The following CYLC2 variants were observed in gnomAD, a reference collection of about 807,000 sequenced individuals.
CYLC2 encodes cylicin 2, also known as cylicin-2.
CYLC2 carries 30 observed loss-of-function variants against 26.1 expected under a neutral mutation model. That is an observed-to-expected ratio of 1.15 (90% CI 0.86 to 1.56). CYLC2 has a LOEUF of 1.56. Among genes scored for constraint, CYLC2 ranks in the 40% most tolerant of loss-of-function variants. The probability of loss-of-function intolerance (pLI) is 0.00; values close to 1 mark genes in which losing one functional copy is unlikely to be tolerated. For synonymous variants in CYLC2, 158 were observed against 132.8 expected (o/e 1.19, Z -1.31); for missense variants, 498 against 394.4 (o/e 1.26, Z -2.23).
At chr9:103,013,367 T>C (rs1210589026) in intron 6 of CYLC2, among the ~76,000 whole-genome samples, 1 of 108,592 alleles carries the variant, frequency 9.2e-6, no homozygotes, top group African/African-American at 3.8e-5. Context: ...TATAAATATA[T>C]ATTTAATATA....
intron 3 of CYLC2, among the ~76,000 whole-genome samples, chr9:103,004,446 A>G (rs1829318170): frequency 1.3e-5 from 2 of 152,118 alleles, no homozygotes; most frequent in South Asian, 4.1e-4. Flanking sequence ...ATTTGAACCT[A>G]AAATCCCGAG....
rs1041601529 is a variant in CYLC2, at chr9:103,018,318, G to A, written c.*891-7G>A. The A allele has an allele frequency of 2.0e-5, 3 of 151,992 alleles. No homozygotes were observed. The highest frequency in any genetic ancestry group is 6.6e-5 in the Admixed American group (1 of 15,224). 9.4% of individuals were successfully genotyped at this position (151,992 alleles called of 1,614,324 possible). A position where few individuals can be genotyped will look rare whatever the true frequency, so the allele number is the denominator to read the frequency against. ...TCTCATTTGACTCTGATTTGATTGT[G>A]TTCCAGGACTACCGTGAGGATGGAT... On this transcript the variant is annotated splice_region_variant and splice_polypyrimidine_tract_variant and intron_variant, in intron 7 of 7. Coordinates refer to ENST00000374798, the MANE Select transcript of CYLC2 (RefSeq NM_001340.5).
At position 103,002,355 on chromosome 9, in the gene CYLC2, C is replaced by T. The variant is rs553202107; in HGVS notation, c.58+737C>T. ...CATTCTTGGGTGTATAGCATTTGCCCCCTTTTTTTTTTTTTTTTTTTTTTT... is the reference window on the plus strand; with the variant it reads ...CATTCTTGGGTGTATAGCATTTGCCTCCTTTTTTTTTTTTTTTTTTTTTTT... On this transcript the variant is annotated intron_variant, in intron 2 of 7. Coordinates refer to ENST00000374798, the MANE Select transcript of CYLC2 (RefSeq NM_001340.5). 1.3e-4 allele frequency among the ~76,000 whole-genome samples: 16 copies of T among 127,488 alleles called. No homozygotes were observed. In the Admixed American group the frequency reaches 1.5e-3, roughly 12 times the overall value. 83.6% of individuals were successfully genotyped at this position (127,488 alleles called of 152,430 possible). A position where few individuals can be genotyped will look rare whatever the true frequency, so the allele number is the denominator to read the frequency against.
At chr9:103,013,595 A>G (rs1306787736) in intron 6 of CYLC2, among the ~76,000 whole-genome samples, 1 of 112,386 alleles carries the variant, frequency 8.9e-6, no homozygotes, top group Non-Finnish European at 1.6e-5. Context: ...ATATATAAAT[A>G]TATTTATAAA....
rs912345821 is a variant in CYLC2, at chr9:103,005,500, A to C, written c.869A>C (p.Lys290Thr). 1.2e-6 allele frequency: 2 copies of C among 1,613,468 alleles called. No homozygotes were observed. The highest frequency in any genetic ancestry group is 8.5e-7 in the Non-Finnish European group (1 of 1,179,756). Reference sequence around the variant, plus strand: ...AGTGACTCAAAGGATGATGTCAAGAAAGAGTCTAAGAAGGACGCCACGAAA... The same window carrying C: ...AGTGACTCAAAGGATGATGTCAAGACAGAGTCTAAGAAGGACGCCACGAAA... Reference protein sequence around the residue: ...TDSDSKDDVKKESKKDATKDA... With the variant: ...TDSDSKDDVKTESKKDATKDA... The change falls in exon 5 of 8, where the codon AAA becomes ACA. Residue 290 changes from lysine to threonine, a missense_variant. Coordinates refer to ENST00000374798, the MANE Select transcript of CYLC2 (RefSeq NM_001340.5).
chr9:103,013,578 A>C (rs939791348), intron 6 of CYLC2, among the ~76,000 whole-genome samples: 2 of 112,544 alleles, frequency 1.8e-5, no homozygotes, highest in African/African-American at 7.3e-5. Context: ...TTACATATGT[A>C]TTTACAATAT....
At position 103,010,443 on chromosome 9, in the gene CYLC2, A is replaced by G. The variant is rs377137155; in HGVS notation, c.*701-1539A>G. On this transcript the variant is annotated intron_variant, in intron 5 of 7. Transcript: ENST00000374798. Reference sequence around the variant, plus strand: ...ATCACTTAATCCTCACAATCCTAATATATCTCCATTTAATTGAAGCACAGA... The same window carrying G: ...ATCACTTAATCCTCACAATCCTAATGTATCTCCATTTAATTGAAGCACAGA... Among the ~76,000 whole-genome samples the G allele has an allele frequency of 2.0e-5, 3 of 152,222 alleles. No individual in the cohort carries two copies. The South Asian group carries it at 6.2e-4, about 32-fold the overall frequency.
Position 103,005,392 on chromosome 9 carries a change from G to C in CYLC2, c.761G>C (p.Gly254Ala), listed in dbSNP as rs748027942. 2 of 1,613,870 alleles carry C rather than the reference G, an allele frequency of 1.2e-6. No individual in the cohort carries two copies. The highest frequency in any genetic ancestry group is 1.7e-6 in the Non-Finnish European group (2 of 1,179,968). ...DEDGKKDANK[G>A]DESKDAKKDA... ...GATGGAAAAAAAGATGCAAACAAAG[G>C]TGATGAATCGAAGGATGCCAAGAAA... is the stretch of plus-strand genomic sequence containing the variant. Residue 254 changes from glycine to alanine, a missense_variant, in exon 5 of 8, where the codon GGT becomes GCT. By Grantham distance (60) the Gly-to-Ala change is moderately conservative. Coordinates refer to ENST00000374798, the MANE Select transcript of CYLC2 (RefSeq NM_001340.5).
chr9:103,014,361 C>G (rs1284095337), intron 6 of CYLC2, among the ~76,000 whole-genome samples: 3 of 133,960 alleles, frequency 2.2e-5, no homozygotes, highest in Non-Finnish European at 4.6e-5. Context: ...CCTAATATTA[C>G]ATAATATACA....
chr9:102,998,523 A>C (rs1272730234), intron 1 of CYLC2, among the ~76,000 whole-genome samples: 1 of 151,936 alleles, frequency 6.6e-6, no homozygotes. Flanking sequence ...CCAGACTTAA[A>C]GAGTGGGAAA....
At chr9:103,016,222 C>T (rs975313719) in intron 6 of CYLC2, among the ~76,000 whole-genome samples, 5 of 151,618 alleles carry the variant, frequency 3.3e-5, no homozygotes, top group Admixed American at 2.6e-4. Flanking sequence ...TAATGTATAT[C>T]ATATATAGAT....
chr9:103,013,567 C>T (rs1415766861), intron 6 of CYLC2, among the ~76,000 whole-genome samples: 3 of 108,032 alleles, frequency 2.8e-5, no homozygotes, highest in African/African-American at 1.2e-4. Flanking sequence ...ATATGTATAT[C>T]TTACATATGT....
At chr9:103,013,919 T>TAATAAATA (rs1175783399) in intron 6 of CYLC2, among the ~76,000 whole-genome samples, 1 of 92,896 alleles carries the variant, frequency 1.1e-5, no homozygotes. Flanking sequence ...TATTATACAT[T>TAATAAATA]ATATATCATA....
Position 103,003,202 on chromosome 9 carries a change from C to T in CYLC2, c.119C>T (p.Pro40Leu). Reference sequence around the variant, plus strand: ...CACTTTGCCCTGTTATTTCCCAAACCACAACGGCCAGGAACCAAAAGGAGA... The same window carrying T: ...CACTTTGCCCTGTTATTTCCCAAACTACAACGGCCAGGAACCAAAAGGAGA... Reference protein sequence around the residue: ...QQHFALLFPKPQRPGTKRRSK... With the variant: ...QQHFALLFPKLQRPGTKRRSK... Residue 40 changes from proline (P) to leucine (L), a missense_variant, in exon 3 of 8, where the codon CCA (proline) becomes CTA (leucine). By Grantham distance (98) the Pro-to-Leu change is moderately conservative. Coordinates refer to ENST00000374798, the MANE Select transcript of CYLC2 (RefSeq NM_001340.5). 6.2e-7 allele frequency: 1 copy of T among 1,613,820 alleles called. No individual in the cohort carries two copies. Among genetic ancestry groups the T allele is most frequent in the Non-Finnish European group, 8.5e-7 (1 of 1,179,866 alleles).
chr9:103,005,813 A>G lies in CYLC2; in HGVS notation c.*135A>G. The G allele has an allele frequency of 1.0e-6, 1 of 952,902 alleles. No individual in the cohort carries two copies. The allele number at this position is 952,902 out of a possible 1,614,324, so 59.0% of individuals were successfully genotyped here. A position where few individuals can be genotyped will look rare whatever the true frequency, so the allele number is the denominator to read the frequency against. On this transcript the variant is annotated 3_prime_UTR_variant, in exon 5 of 8. Transcript: ENST00000374798. ...AAATAATTTTTAAAAGGTGGTAAAG[A>G]AGGATACAAAGGAGAACTCAGCAGA... is the stretch of plus-strand genomic sequence containing the variant.
At position 103,001,578 on chromosome 9, in the gene CYLC2, C is replaced by T; in HGVS notation, c.18C>T (p.Phe6=). The stretch of plus-strand genomic sequence containing the variant: ...AAACCTTTCTTTTTTGTTTTAATAG[C>T]CAAAGAGTAAACTTTGGGCCATATG... MSLPR[F]QRVNFGPYDN... is the part of the protein sequence containing the mutation. The change falls in exon 2 of 8, where the codon TTC becomes TTT. Residue 6 remains phenylalanine, a splice_region_variant and synonymous_variant. Transcript: ENST00000374798. 1 of 1,540,260 alleles carries T rather than the reference C, an allele frequency of 6.5e-7. No individual in the cohort carries two copies. The highest frequency in any genetic ancestry group is 8.9e-7 in the Non-Finnish European group (1 of 1,120,370).
At position 102,995,368 on chromosome 9, in the gene CYLC2, A is replaced by AATACT; in HGVS notation, c.-13_-12insATACT. ...TACAATACTTAAGTCCTGGCAAGTC[A>AATACT]TAAGTGGGGAAAATGTCTCTCCCAA... On this transcript the variant is annotated 5_prime_UTR_variant, in exon 1 of 8. Coordinates refer to ENST00000374798, the MANE Select transcript of CYLC2 (RefSeq NM_001340.5). The AATACT allele has an allele frequency of 6.2e-7, 1 of 1,602,678 alleles. No homozygotes were observed.
intron 6 of CYLC2, among the ~76,000 whole-genome samples, chr9:103,013,147 A>ATATATGAATATATAT (rs1587855069): frequency 5.3e-5 from 2 of 37,648 alleles, no homozygotes; most frequent in East Asian, 2.1e-3. Context: ...TAAATATATC[A>ATATATGAATATATAT]TATATAAATA....
At chr9:103,001,328 A>G (rs1223768865) in intron 1 of CYLC2, among the ~76,000 whole-genome samples, 1 of 151,542 alleles carries the variant, frequency 6.6e-6, no homozygotes, top group African/African-American at 2.4e-5. Context: ...AAATATACAC[A>G]CATATATGTG....
Sources: allele counts gnomAD v4.1 joint callset (sites outside exome capture counted in the v4.1 genomes callset), GRCh38; gene constraint gnomAD v4.1.1; transcripts MANE v1.5; gene names NCBI Gene and HGNC (gene_info 2026-07-23, HGNC 2026-07-21).